The following PITPNC1 variants were observed in gnomAD, a reference collection of about 807,000 sequenced individuals.
PITPNC1 encodes cytoplasmic phosphatidylinositol transfer protein 1.
A neutral mutation model predicts 44.7 loss-of-function variants in PITPNC1; 18 were observed. The observed-to-expected ratio is 0.40, with a 90% CI of 0.28 to 0.60. The LOEUF (loss-of-function observed/expected upper bound fraction) is 0.60, where lower values mean the gene tolerates loss of function less well. Among genes scored for constraint, PITPNC1 ranks in the 20% least tolerant of loss-of-function variants. The pLI is 0.39. For missense variants in PITPNC1, 290 were observed against 418.4 expected (o/e 0.69, Z 2.68); for synonymous variants, 141 against 149.6 (o/e 0.94, Z 0.42).
At chr17:67,388,352 G>A (rs776037744) in intron 1 of PITPNC1, among the ~76,000 whole-genome samples, 1 of 145,234 alleles carries the variant, frequency 6.9e-6, no homozygotes, top group Non-Finnish European at 1.5e-5. Context: ...TTCCCTTGGA[G>A]TCTTGCTCTT....
At chr17:67,425,186 T>TGCGCGCGGGC in intron 1 of PITPNC1, among the ~76,000 whole-genome samples, 1 of 55,720 alleles carries the variant, frequency 1.8e-5, no homozygotes, top group Admixed American at 2.0e-4. Flanking sequence ...AGCCATGTTG[T>TGCGCGCGGGC]GCGCGCGCAC....
At chr17:67,649,064 G>A (rs963201239) in intron 6 of PITPNC1, among the ~76,000 whole-genome samples, 4 of 152,194 alleles carry the variant, frequency 2.6e-5, no homozygotes, top group African/African-American at 7.2e-5. Flanking sequence ...TGAGGTGGGA[G>A]GATTGCTTGA....
chr17:67,604,737 C>T (rs112599204), intron 5 of PITPNC1, among the ~76,000 whole-genome samples: 6 of 152,170 alleles, frequency 3.9e-5, no homozygotes, highest in African/African-American at 1.4e-4. Flanking sequence ...GTGCTGAGAA[C>T]TTGCCACTGC....
At chr17:67,482,769 G>C (rs1281852793) in intron 1 of PITPNC1, among the ~76,000 whole-genome samples, 2 of 152,152 alleles carry the variant, frequency 1.3e-5, no homozygotes, top group African/African-American at 4.8e-5. Context: ...TTTGAAAATT[G>C]CTGTTTTGCA....
chr17:67,423,842 G>C (rs1047226292), intron 1 of PITPNC1, among the ~76,000 whole-genome samples: 1 of 152,158 alleles, frequency 6.6e-6, no homozygotes, highest in Admixed American at 6.6e-5. Context: ...GAGTTGCAAT[G>C]CTCCCTCTTG....
intron 1 of PITPNC1, among the ~76,000 whole-genome samples, chr17:67,386,617 G>A (rs1313264585): frequency 6.6e-6 from 1 of 152,202 alleles, no homozygotes; most frequent in Non-Finnish European, 1.5e-5. Context: ...ATGTGAAAGT[G>A]TATGCACAAA....
intron 1 of PITPNC1, among the ~76,000 whole-genome samples, chr17:67,411,782 A>C (rs186476879): frequency 4.6e-4 from 70 of 152,226 alleles, no homozygotes; most frequent in African/African-American, 1.3e-3. Context: ...GGGGGTACTT[A>C]ATAAGGGCTA....
intron 1 of PITPNC1, among the ~76,000 whole-genome samples, chr17:67,391,340 C>T (rs1206605213): frequency 6.6e-6 from 1 of 152,054 alleles, no homozygotes; most frequent in Non-Finnish European, 1.5e-5. Flanking sequence ...TCCCCCGCCC[C>T]ATGTCATCTT....
At chr17:67,480,128 C>T (rs1464041140) in intron 1 of PITPNC1, among the ~76,000 whole-genome samples, 1 of 152,132 alleles carries the variant, frequency 6.6e-6, no homozygotes, top group Non-Finnish European at 1.5e-5. Flanking sequence ...CGGGGGTCTG[C>T]CTGATACCAC....
At chr17:67,466,662 C>A (rs2039432217) in intron 1 of PITPNC1, among the ~76,000 whole-genome samples, 1 of 152,086 alleles carries the variant, frequency 6.6e-6, no homozygotes, top group South Asian at 2.1e-4. Flanking sequence ...GCTTGAAAAA[C>A]CCCCACTCTT....
intron 1 of PITPNC1, among the ~76,000 whole-genome samples, chr17:67,439,257 C>A (rs1252472274): frequency 6.6e-6 from 1 of 152,162 alleles, no homozygotes; most frequent in Non-Finnish European, 1.5e-5. Flanking sequence ...TTTTACCAAG[C>A]ACTGTATTTA....
At chr17:67,669,802 T>C (rs2042481621) in intron 7 of PITPNC1, 139 bp downstream of exon 7, 3 of 621,810 alleles carry the variant, frequency 4.8e-6, no homozygotes, top group Non-Finnish European at 8.3e-6. Flanking sequence ...CCGGTTGGGG[T>C]GGCCAACACC....
chr17:67,642,251 G>A (rs1430532867), intron 6 of PITPNC1, among the ~76,000 whole-genome samples: 1 of 152,084 alleles, frequency 6.6e-6, no homozygotes, highest in Non-Finnish European at 1.5e-5. Flanking sequence ...TTCAAAGCAG[G>A]GGTCACCAAA....
chr17:67,555,447 C>T (rs541129180), intron 4 of PITPNC1, among the ~76,000 whole-genome samples: 1 of 152,252 alleles, frequency 6.6e-6, no homozygotes, highest in South Asian at 2.1e-4. Flanking sequence ...AGCACACTGC[C>T]TGTATACAGC....
chr17:67,465,179 A>C (rs1045224874), intron 1 of PITPNC1, among the ~76,000 whole-genome samples: 2 of 152,188 alleles, frequency 1.3e-5, no homozygotes, highest in African/African-American at 4.8e-5. Flanking sequence ...TATGTTGTTG[A>C]ACATACACCT....
intron 1 of PITPNC1, among the ~76,000 whole-genome samples, chr17:67,397,404 C>CAT (rs1458103533): frequency 6.6e-6 from 1 of 152,166 alleles, no homozygotes; most frequent in Non-Finnish European, 1.5e-5. Flanking sequence ...AGAATGGCCA[C>CAT]CTCAGTGCTG....
intron 2 of PITPNC1, among the ~76,000 whole-genome samples, chr17:67,536,591 G>A (rs2040533837): frequency 6.6e-6 from 1 of 152,134 alleles, no homozygotes; most frequent in Non-Finnish European, 1.5e-5. Flanking sequence ...TGAAGAGGTG[G>A]TAAAACAATC....
At chr17:67,540,354 C>T (rs1252656864) in intron 2 of PITPNC1, among the ~76,000 whole-genome samples, 2 of 152,146 alleles carry the variant, frequency 1.3e-5, no homozygotes, top group African/African-American at 4.8e-5. Context: ...ATCCTCCCAC[C>T]TTGGCCTCCC....
At chr17:67,618,768 A>G (rs1301785401) in intron 5 of PITPNC1, among the ~76,000 whole-genome samples, 1 of 150,256 alleles carries the variant, frequency 6.7e-6, no homozygotes, top group Non-Finnish European at 1.5e-5. Context: ...AAATAAAAAT[A>G]AAAACACTGG....
Sources: gnomAD v4.1 joint callset for allele counts (sites outside exome capture counted in the v4.1 genomes callset) on GRCh38, gnomAD v4.1.1 for gene constraint, MANE v1.5 for transcripts, NCBI Gene and HGNC (gene_info 2026-07-23, HGNC 2026-07-21) for gene names.